IQSEC1: variants seen among roughly 807,000 people sequenced by gnomAD.
IQSEC1 encodes IQ motif and Sec7 domain ArfGEF 1.
In IQSEC1, 31 loss-of-function variants were observed where a neutral mutation model predicts 91.0. The observed-to-expected ratio is 0.34, with a 90% CI of 0.26 to 0.46. IQSEC1 has a LOEUF of 0.46. Ranked by LOEUF, IQSEC1 falls within the 20% of genes least tolerant of loss-of-function variation. The pLI is 1.00. For missense variants in IQSEC1, 1,388 were observed against 1,575.6 expected (o/e 0.88, Z 2.02); for synonymous variants, 699 against 662.6 (o/e 1.05, Z -0.84).
chr3:12,911,583 A>T (rs1695563101), intron 10 of IQSEC1, 46 bp downstream of exon 10: 1 of 1,398,502 alleles, frequency 7.2e-7, no homozygotes, highest in African/African-American at 1.4e-5. Context: ...AAAGAGCGTA[A>T]GCTGGGACAT....
At chr3:13,062,732 C>T (rs994859342) in intron 1 of IQSEC1, among the ~76,000 whole-genome samples, 4 of 152,070 alleles carry the variant, frequency 2.6e-5, no homozygotes, top group African/African-American at 4.8e-5. Flanking sequence ...GGAAAACGCT[C>T]GGTGTTATCG....
chr3:13,228,862 A>G (rs1694799776), intron 1 of IQSEC1, among the ~76,000 whole-genome samples: 1 of 152,120 alleles, frequency 6.6e-6, no homozygotes, highest in South Asian at 2.1e-4. Context: ...TGTAAATGCT[A>G]CTTCCTCAGC....
intron 2 of IQSEC1, among the ~76,000 whole-genome samples, chr3:13,129,912 C>G (rs1025062941): frequency 6.6e-6 from 1 of 151,820 alleles, no homozygotes; most frequent in African/African-American, 2.4e-5. Context: ...CCTGCCTTGG[C>G]CTCCCAAAGT....
intron 2 of IQSEC1, among the ~76,000 whole-genome samples, chr3:13,113,495 G>T (rs1363166719): frequency 1.3e-5 from 2 of 152,240 alleles, no homozygotes; most frequent in Non-Finnish European, 2.9e-5. Context: ...CTAGAGGAGA[G>T]CTTGGCACAC....
chr3:13,170,550 G>C (rs544927902), intron 1 of IQSEC1, among the ~76,000 whole-genome samples: 1 of 152,242 alleles, frequency 6.6e-6, no homozygotes, highest in Non-Finnish European at 1.5e-5. Flanking sequence ...GCCAGTGAAA[G>C]CAGCCGGGAG....
At chr3:13,145,807 G>C (rs556541576) in intron 2 of IQSEC1, among the ~76,000 whole-genome samples, 28 of 74,692 alleles carry the variant, frequency 3.7e-4, no homozygotes, top group Non-Finnish European at 6.1e-4. Context: ...CCGGGGGCGG[G>C]GGGGGGGGGT....
rs557095835 is a variant in IQSEC1 at position 13,008,017 on chromosome 3, C to G, written c.23+64975G>C. ...TCTAAGCCTGCACTCCTCTAGGAAG[C>G]CAGGTGAGAGAGCAGAGGAACTACC... On this transcript the variant is annotated intron_variant, in intron 1 of 13. Transcript: ENST00000613206. This position sits in a 1 kb window ranked among gnomAD's most constrained non-coding sequence, Gnocchi z 4.1. Among the ~76,000 whole-genome samples the G allele has an allele frequency of 6.6e-6, 1 of 152,322 alleles. No individual in the cohort carries two copies. Among genetic ancestry groups the G allele is most frequent in the South Asian group, 2.1e-4 (1 of 4,832 alleles).
chr3:13,279,878 G>A (rs781035751), intron 1 of IQSEC1, among the ~76,000 whole-genome samples: 17 of 152,126 alleles, frequency 1.1e-4, no homozygotes, highest in Non-Finnish European at 2.2e-4. Flanking sequence ...CCTAGCCTCT[G>A]GGCAGCCCTT....
intron 1 of IQSEC1, among the ~76,000 whole-genome samples, 189 bp downstream of exon 1, chr3:13,072,803 G>A (rs1486321650): frequency 1.3e-5 from 2 of 152,144 alleles, no homozygotes; most frequent in African/African-American, 4.8e-5. Flanking sequence ...TTTTCTCATC[G>A]TCATCACCAA....
intron 2 of IQSEC1, among the ~76,000 whole-genome samples, chr3:13,080,442 G>T (rs1329970665): frequency 1.3e-5 from 2 of 152,146 alleles, no homozygotes; most frequent in Non-Finnish European, 2.9e-5. Context: ...GAGATGCAGG[G>T]TGGAGGGAGA....
intron 1 of IQSEC1, among the ~76,000 whole-genome samples, chr3:13,052,764 T>C (rs1247705917): frequency 2.0e-5 from 3 of 149,552 alleles, no homozygotes; most frequent in African/African-American, 5.0e-5. Flanking sequence ...CCATGTCTGT[T>C]TTTTTTTTTA....
intron 1 of IQSEC1, among the ~76,000 whole-genome samples, chr3:12,957,735 G>A (rs1432027687): frequency 6.6e-6 from 1 of 152,224 alleles, no homozygotes; most frequent in East Asian, 1.9e-4. Context: ...GACAATCTTG[G>A]TCTTTTTTAG....
At chr3:13,072,493 A>C (rs2125116025) in intron 1 of IQSEC1, among the ~76,000 whole-genome samples, 1 of 152,336 alleles carries the variant, frequency 6.6e-6, no homozygotes, top group South Asian at 2.1e-4. Context: ...ACCTGGGCAC[A>C]CAGCTGGACA....
intron 1 of IQSEC1, chr3:13,042,164 G>A (rs1286880440): frequency 6.6e-6 from 1 of 152,268 alleles, no homozygotes; most frequent in Non-Finnish European, 1.5e-5. Flanking sequence ...TGCTGGTCTT[G>A]GCCAGTGACG....
At chr3:13,079,225 G>A (rs1329799003) in intron 2 of IQSEC1, among the ~76,000 whole-genome samples, 1 of 152,222 alleles carries the variant, frequency 6.6e-6, no homozygotes, top group Admixed American at 6.5e-5. Context: ...GCCACTGGCT[G>A]CCTGGCCCCA....
intron 1 of IQSEC1, among the ~76,000 whole-genome samples, chr3:13,205,282 A>G (rs1694323997): frequency 6.6e-6 from 1 of 152,116 alleles, no homozygotes; most frequent in Admixed American, 6.5e-5. Flanking sequence ...ATTCTGTGCC[A>G]TAAGCTCACC....
At chr3:13,065,182 C>T (rs1334053932) in intron 1 of IQSEC1, among the ~76,000 whole-genome samples, 1 of 152,214 alleles carries the variant, frequency 6.6e-6, no homozygotes, top group Non-Finnish European at 1.5e-5. Context: ...CCAAGTTGAG[C>T]GTTTCATTGG....
chr3:12,987,493 G>T (rs1285087237), intron 1 of IQSEC1, among the ~76,000 whole-genome samples: 2 of 152,238 alleles, frequency 1.3e-5, no homozygotes, highest in East Asian at 3.8e-4. Context: ...GTGGATTAAA[G>T]ACCTAATGTG....
chr3:13,273,832 A>C (rs1576318994), intron 1 of IQSEC1, among the ~76,000 whole-genome samples: 3 of 151,430 alleles, frequency 2.0e-5, no homozygotes, highest in African/African-American at 2.4e-5. Flanking sequence ...GCTCTGCCTC[A>C]CCCCTCGCCC....
Sources: gnomAD v4.1 joint callset for allele counts (sites outside exome capture counted in the v4.1 genomes callset) on GRCh38, gnomAD v4.1.1 for gene constraint, Gnocchi (gnomAD v3.1) non-coding constraint, MANE v1.5 for transcripts, NCBI Gene and HGNC (gene_info 2026-07-23, HGNC 2026-07-21) for gene names.